Variants in HADHB observed in about 807,000 individuals in gnomAD.
The protein encoded by HADHB is hydroxyacyl-CoA dehydrogenase trifunctional multienzyme complex subunit beta, also known as trifunctional enzyme subunit beta, mitochondrial.
A neutral mutation model predicts 61.9 loss-of-function variants in HADHB; 50 were observed. The observed-to-expected ratio is 0.81, with a 90% CI of 0.64 to 1.02. The LOEUF is 1.02. Ranked by LOEUF, HADHB falls within the 50% of genes least tolerant of loss-of-function variation. The pLI is 0.00. For synonymous variants in HADHB, 191 were observed against 201.6 expected, an observed-to-expected ratio of 0.95 and a Z score of 0.45; for missense variants, 504 against 586.5, an observed-to-expected ratio of 0.86 and a Z score of 1.45.
At chr2:26,255,772 C>T (rs764635547) in intron 3 of HADHB, among the ~76,000 whole-genome samples, 9 of 152,186 alleles carry the variant, frequency 5.9e-5, no homozygotes, top group African/African-American at 1.2e-4. Flanking sequence ...ATTGCCTAAT[C>T]CCAACTAGAG....
At chr2:26,281,574 C>T (rs1372583380) in intron 10 of HADHB, among the ~76,000 whole-genome samples, 1 of 152,172 alleles carries the variant, frequency 6.6e-6, no homozygotes, top group Non-Finnish European at 1.5e-5. Context: ...CCAGGGTATG[C>T]TAAAGGTCCA....
chr2:26,256,583 C>G (rs115059333), intron 3 of HADHB, among the ~76,000 whole-genome samples: 2,340 of 151,904 alleles, frequency 0.015, 58 homozygotes, highest in African/African-American at 0.052. Context: ...TAATACATGA[C>G]ACATTTATTA....
intron 12 of HADHB, among the ~76,000 whole-genome samples, chr2:26,283,847 C>T (rs1672904154): frequency 6.6e-6 from 1 of 152,184 alleles, no homozygotes; most frequent in Non-Finnish European, 1.5e-5. Context: ...TCTTTGAACT[C>T]TGTTCTTCCA....
intron 5 of HADHB, 94 bp downstream of exon 5, chr2:26,270,091 C>T: frequency 1.2e-6 from 1 of 855,924 alleles, no homozygotes; most frequent in East Asian, 2.4e-5. Context: ...TTATTTTAGC[C>T]ATCTGTACTA....
intron 3 of HADHB, chr2:26,261,215 C>CA (rs1002423898): frequency 3.0e-5 from 14 of 469,922 alleles, no homozygotes; most frequent in Admixed American, 7.3e-5. Context: ...AACAAATACC[C>CA]CCCCCCCATC....
intron 10 of HADHB, among the ~76,000 whole-genome samples, chr2:26,281,571 A>G (rs755299020): frequency 2.6e-5 from 4 of 152,220 alleles, no homozygotes; most frequent in Non-Finnish European, 5.9e-5. Flanking sequence ...TTTCCAGGGT[A>G]TGCTAAAGGT....
At chr2:26,285,052 CTCTT>C in intron 14 of HADHB, 95 bp downstream of exon 14, 1 of 753,050 alleles carries the variant, frequency 1.3e-6, no homozygotes, top group South Asian at 1.5e-5. Flanking sequence ...GGGAAAGCTT[CTCTT>C]TCTTTTGAAG....
chr2:26,263,391 A>G lies in HADHB; in HGVS notation c.121A>G (p.Lys41Glu). 1 of 1,608,110 alleles carries G rather than the reference A, an allele frequency of 6.2e-7. No individual in the cohort carries two copies. The highest frequency in any genetic ancestry group is 1.1e-5 in the South Asian group (1 of 90,954). ...ACTTTATCTTAAAGCTGTCCAGACC[A>G]AAACGAAGAAGACGTTAGCCAAACC... ...QLRAAPAVQT[K>E]TKKTLAKPNI... Residue 41 changes from lysine (K) to glutamate (E), a missense_variant, in exon 4 of 16, where the codon AAA (lysine) becomes GAA (glutamate). By Grantham distance (56) the Lys-to-Glu change is moderately conservative. Coordinates refer to ENST00000317799, the MANE Select transcript of HADHB (RefSeq NM_000183.3).
At chr2:26,258,136 G>A (rs920899043) in intron 3 of HADHB, among the ~76,000 whole-genome samples, 10 of 152,264 alleles carry the variant, frequency 6.6e-5, no homozygotes, top group African/African-American at 9.6e-5. Context: ...CTGAGCCTCC[G>A]AAACGGAGGC....
chr2:26,257,343 A>G (rs1574644998), intron 3 of HADHB, among the ~76,000 whole-genome samples: 1 of 150,812 alleles, frequency 6.6e-6, no homozygotes, highest in East Asian at 2.0e-4. Context: ...GATGGTCTCG[A>G]TCTCCTGACC....
intron 15 of HADHB, among the ~76,000 whole-genome samples, chr2:26,289,269 T>TA (rs903170224): frequency 1.3e-5 from 2 of 152,000 alleles, no homozygotes; most frequent in African/African-American, 4.8e-5. Flanking sequence ...ATAAAAAAAA[T>TA]AAAAAAAGAA....
rs72851551 is a variant in HADHB, at chr2:26,288,633, C to T, written c.1390-1285C>T. Among the ~76,000 whole-genome samples the T allele has an allele frequency of 7.2e-3, 1,090 of 151,848 alleles. 9 individuals are homozygous for T. The highest frequency in any genetic ancestry group is 0.025 in the African/African-American group (1,021 of 41,394). On this transcript the variant is annotated intron_variant, in intron 15 of 15. Transcript: ENST00000317799. Reference sequence around the variant, plus strand: ...CTGAGGTGGAAGTATCACCTGAGCCCGGGAGGTTGAGGCTGCAGTGAGCCG... The same window carrying T: ...CTGAGGTGGAAGTATCACCTGAGCCTGGGAGGTTGAGGCTGCAGTGAGCCG...
Position 26,279,237 on chromosome 2 carries a change from G to A in HADHB, c.733G>A (p.Ala245Thr). The change falls in exon 9 of 16, where the codon GCA becomes ACA. Residue 245 changes from alanine (A) to threonine (T), a missense_variant. Transcript: ENST00000317799. ...TTCTCGGCTGGAACAGGATGAATAT[G>A]CACTGCGCTCTCACAGTCTAGCCAA... ...AVSRLEQDEYALRSHSLAKKA... is the reference protein window; with the variant it reads ...AVSRLEQDEYTLRSHSLAKKA... 1 of 1,613,228 alleles carries A rather than the reference G, an allele frequency of 6.2e-7. No homozygotes were observed. The highest frequency in any genetic ancestry group is 8.5e-7 in the Non-Finnish European group (1 of 1,179,212).
chr2:26,253,492 GTC>G (rs1374569313), intron 1 of HADHB, among the ~76,000 whole-genome samples: 1 of 152,086 alleles, frequency 6.6e-6, no homozygotes, highest in African/African-American at 2.4e-5. Context: ...ACGCCTAGCA[GTC>G]TCTCTGCTTC....
intron 15 of HADHB, among the ~76,000 whole-genome samples, chr2:26,287,794 G>C (rs980115762): frequency 1.5e-4 from 23 of 152,176 alleles, no homozygotes; most frequent in Non-Finnish European, 2.5e-4. Context: ...GTTTTGGGGG[G>C]CTGTGTGTTG....
intron 13 of HADHB, among the ~76,000 whole-genome samples, chr2:26,284,493 T>C (rs1672936934): frequency 6.6e-6 from 1 of 151,634 alleles, no homozygotes. Flanking sequence ...GACAGAGTCT[T>C]GCTCTGTTGC....
In HADHB at chr2:26,261,770, A is replaced by G. The variant is rs72849983; in HGVS notation, c.110-1610A>G. ...AGCCTTGGCGACAGAGCAAGGCATCATCTCAAAAAAAAAAAATTAAGTCCC... is the reference window on the plus strand; with the variant it reads ...AGCCTTGGCGACAGAGCAAGGCATCGTCTCAAAAAAAAAAAATTAAGTCCC... On this transcript the variant is annotated intron_variant, in intron 3 of 15. Transcript: ENST00000317799. 6.3e-3 allele frequency among the ~76,000 whole-genome samples: 955 copies of G among 151,980 alleles called. 8 individuals carry two copies. The highest frequency in any genetic ancestry group is 0.022 in the African/African-American group (893 of 41,468).
chr2:26,285,688 G>T, intron 15 of HADHB, 117 bp downstream of exon 15: 5 of 605,404 alleles, frequency 8.3e-6, no homozygotes, highest in East Asian at 6.4e-5. Flanking sequence ...TGGGGGTGGG[G>T]AGTGGGGAGG....
intron 6 of HADHB, among the ~76,000 whole-genome samples, chr2:26,274,822 C>T (rs1672480048): frequency 6.6e-6 from 1 of 152,006 alleles, no homozygotes; most frequent in Non-Finnish European, 1.5e-5. Flanking sequence ...GCTGTTTTCT[C>T]CTCTTGCTCA....
Sources: gnomAD v4.1 joint callset for allele counts (sites outside exome capture counted in the v4.1 genomes callset) on GRCh38, gnomAD v4.1.1 for gene constraint, MANE v1.5 for transcripts, NCBI Gene and HGNC (gene_info 2026-07-23, HGNC 2026-07-21) for gene names.